Variants in KCND2 observed in about 807,000 individuals in gnomAD.
KCND2 encodes the protein A-type voltage-gated potassium channel KCND2.
In KCND2, 16 loss-of-function variants were observed where a neutral mutation model predicts 54.4. That is an observed-to-expected ratio of 0.29 (90% CI 0.20 to 0.45). The LOEUF (loss-of-function observed/expected upper bound fraction) is 0.45, where lower values mean the gene tolerates loss of function less well. Among genes scored for constraint, KCND2 ranks in the 20% least tolerant of loss-of-function variants. KCND2 has a pLI of 1.00. For missense variants in KCND2, 486 were observed against 824.2 expected (o/e 0.59, Z 5.02); for synonymous variants, 317 against 310.7 (o/e 1.02, Z -0.21).
Position 120,284,601 on chromosome 7 carries a change from G to A in KCND2, c.1115+8854G>A, listed in dbSNP as rs536418434. Among the ~76,000 whole-genome samples the A allele has an allele frequency of 6.6e-5, 10 of 152,254 alleles. No individual in the cohort carries two copies. The South Asian group carries it at 1.2e-3, about 19-fold the overall frequency. On this transcript the variant is annotated intron_variant, in intron 1 of 5. Transcript: ENST00000331113. ...TTTGATTTTTTGCTTTAGTCTAGAA[G>A]TATTAGAGTCATGGAATTTTGACTT...
intron 2 of KCND2, among the ~76,000 whole-genome samples, chr7:120,733,730 G>A (rs1408925886): frequency 1.3e-5 from 2 of 151,992 alleles, no homozygotes; most frequent in Non-Finnish European, 2.9e-5. Context: ...TTTTATTCTC[G>A]TCCCAGCAGC....
At chr7:120,607,467 A>G (rs969333170) in intron 1 of KCND2, among the ~76,000 whole-genome samples, 1 of 152,166 alleles carries the variant, frequency 6.6e-6, no homozygotes. Context: ...ACTACCCACT[A>G]TCTCATAAAC....
intron 1 of KCND2, among the ~76,000 whole-genome samples, chr7:120,686,222 G>A (rs1401965234): frequency 6.6e-6 from 1 of 152,132 alleles, no homozygotes; most frequent in African/African-American, 2.4e-5. Context: ...GAACATGGGA[G>A]TGCAGATATC....
At chr7:120,595,458 A>T (rs182013305) in intron 1 of KCND2, among the ~76,000 whole-genome samples, 1,871 of 103,290 alleles carry the variant, frequency 0.018, 40 homozygotes, top group African/African-American at 0.07. Context: ...CACCAAAAAA[A>T]AAATATATAT....
At chr7:120,651,602 C>T (rs1438199943) in intron 1 of KCND2, among the ~76,000 whole-genome samples, 4 of 152,204 alleles carry the variant, frequency 2.6e-5, no homozygotes, top group South Asian at 2.1e-4. Context: ...AGCTCACGCT[C>T]GATGGGCTGC....
intron 1 of KCND2, among the ~76,000 whole-genome samples, chr7:120,361,463 T>A (rs1397295534): frequency 6.6e-6 from 1 of 151,994 alleles, no homozygotes; most frequent in African/African-American, 2.4e-5. Context: ...CTCAGTAGAT[T>A]ATCTGCCTAC....
chr7:120,356,106 C>T (rs898677039), intron 1 of KCND2, among the ~76,000 whole-genome samples: 2 of 151,900 alleles, frequency 1.3e-5, no homozygotes, highest in African/African-American at 2.4e-5. Context: ...AAACCAGTCT[C>T]GATGGGAGTA....
At chr7:120,435,635 C>G in intron 1 of KCND2, among the ~76,000 whole-genome samples, 1 of 151,832 alleles carries the variant, frequency 6.6e-6, no homozygotes, top group Non-Finnish European at 1.5e-5. Flanking sequence ...CAGAATCAAT[C>G]AAGACTTAGA....
intron 1 of KCND2, among the ~76,000 whole-genome samples, chr7:120,421,939 C>T (rs1011094340): frequency 1.3e-5 from 2 of 152,178 alleles, no homozygotes; most frequent in Admixed American, 6.5e-5. Context: ...AGATCCCATA[C>T]CAGAAGGATG....
chr7:120,482,460 G>A (rs973059120), intron 1 of KCND2, among the ~76,000 whole-genome samples: 1 of 152,102 alleles, frequency 6.6e-6, no homozygotes, highest in African/African-American at 2.4e-5. Flanking sequence ...TAAATATTGG[G>A]GGCCAGAGAA....
At chr7:120,406,828 A>G (rs1254414507) in intron 1 of KCND2, among the ~76,000 whole-genome samples, 1 of 151,970 alleles carries the variant, frequency 6.6e-6, no homozygotes, top group Admixed American at 6.6e-5. Flanking sequence ...GAGCATGGCT[A>G]TATGAAGGGT....
chr7:120,539,011 A>G (rs1791946475), intron 1 of KCND2, among the ~76,000 whole-genome samples: 1 of 152,236 alleles, frequency 6.6e-6, no homozygotes, highest in South Asian at 2.1e-4. Flanking sequence ...TGTAATTTGT[A>G]AAGTAAATCA....
intron 2 of KCND2, among the ~76,000 whole-genome samples, chr7:120,737,056 ACACACACACACACACACACAAAC>A (rs1316939778): frequency 2.2e-4 from 32 of 145,256 alleles, no homozygotes; most frequent in African/African-American, 7.7e-4. Context: ...ACACACACAC[ACACACACACACACACACACAAAC>A]AAAAAAAAAA....
chr7:120,728,049 G>T (rs1265991814), intron 1 of KCND2, among the ~76,000 whole-genome samples: 2 of 148,980 alleles, frequency 1.3e-5, no homozygotes, highest in African/African-American at 4.9e-5. Flanking sequence ...CACGAGAATC[G>T]CTTGAACCCA....
At chr7:120,614,108 G>A (rs987102490) in intron 1 of KCND2, among the ~76,000 whole-genome samples, 2 of 151,906 alleles carry the variant, frequency 1.3e-5, no homozygotes. Flanking sequence ...CGCCTCCTGG[G>A]TTCAAGTGAT....
At chr7:120,452,447 C>T (rs190684834) in intron 1 of KCND2, among the ~76,000 whole-genome samples, 159 of 152,196 alleles carry the variant, frequency 1.0e-3, no homozygotes, top group Admixed American at 2.7e-3. Flanking sequence ...CTGGCAGATT[C>T]CAAGCAGATC....
intron 1 of KCND2, among the ~76,000 whole-genome samples, chr7:120,504,892 C>G (rs958986078): frequency 1.3e-5 from 2 of 151,372 alleles, no homozygotes; most frequent in African/African-American, 4.8e-5. Flanking sequence ...TCTTTTTTAG[C>G]ACGTGAGTAG....
chr7:120,554,303 C>T (rs1792135942), intron 1 of KCND2, among the ~76,000 whole-genome samples: 2 of 152,194 alleles, frequency 1.3e-5, no homozygotes, highest in African/African-American at 4.8e-5. Context: ...GGTTCTCAAA[C>T]ATTAACTTGC....
At chr7:120,512,274 G>A (rs1355106975) in intron 1 of KCND2, among the ~76,000 whole-genome samples, 1 of 151,960 alleles carries the variant, frequency 6.6e-6, no homozygotes, top group Non-Finnish European at 1.5e-5. Context: ...AGAACTGGTA[G>A]AATTATAAGT....
Sources: gnomAD v4.1 joint callset for allele counts (sites outside exome capture counted in the v4.1 genomes callset) on GRCh38, gnomAD v4.1.1 for gene constraint, MANE v1.5 for transcripts, NCBI Gene and HGNC (gene_info 2026-07-23, HGNC 2026-07-21) for gene names.